The following MROH9 variants were observed in gnomAD, a reference collection of about 807,000 sequenced individuals.
MROH9 encodes the protein maestro heat-like repeat-containing protein family member 9.
A neutral mutation model predicts 98.2 loss-of-function variants in MROH9; 92 were observed. The ratio of observed to expected loss-of-function variants is 0.94; its 90% CI spans 0.79 to 1.11. The LOEUF (loss-of-function observed/expected upper bound fraction) is 1.11, where lower values mean the gene tolerates loss of function less well. MROH9 is among the 50% of genes most tolerant of loss of function. The probability of loss-of-function intolerance (pLI) is 0.00; values close to 1 mark genes in which losing one functional copy is unlikely to be tolerated. For missense variants in MROH9, 1,057 were observed against 1,014.8 expected (o/e 1.04, Z -0.57); for synonymous variants, 397 against 368.9 (o/e 1.08, Z -0.87).
At chr1:170,996,462 A>G in intron 13 of MROH9, 45 bp from the exon 14 acceptor site, 7 of 1,601,028 alleles carry the variant, frequency 4.4e-6, no homozygotes, top group Non-Finnish European at 6.0e-6. Context: ...TAGTTTTTTG[A>G]ATATCACCGG....
chr1:170,995,636 G>T, intron 13 of MROH9, 105 bp downstream of exon 13: 1 of 1,253,570 alleles, frequency 8.0e-7, no homozygotes, highest in Non-Finnish European at 1.1e-6. Context: ...TCCCATGTGC[G>T]GTGTGTTCAT....
intron 15 of MROH9, among the ~76,000 whole-genome samples, chr1:171,003,225 C>T (rs536234244): frequency 1.7e-4 from 26 of 152,084 alleles, no homozygotes; most frequent in Non-Finnish European, 3.8e-4. Flanking sequence ...AACTAAACTC[C>T]TGAATTCTTT....
intron 5 of MROH9, among the ~76,000 whole-genome samples, chr1:170,961,142 A>G (rs1212251411): frequency 1.3e-5 from 2 of 152,234 alleles, no homozygotes; most frequent in Non-Finnish European, 2.9e-5. Context: ...TTCACAAATT[A>G]TTCCTTTCAA....
At chr1:171,023,141 G>A (rs1652572292) in intron 17 of MROH9, among the ~76,000 whole-genome samples, 1 of 152,186 alleles carries the variant, frequency 6.6e-6, no homozygotes. Flanking sequence ...GGTTGTTGGA[G>A]CCCAAGAGTT....
Position 171,014,179 on chromosome 1 carries a change from G to A in MROH9, c.1659G>A (p.Trp553Ter). 6.4e-7 allele frequency: 1 copy of A among 1,550,952 alleles called. No homozygotes were observed. The highest frequency in any genetic ancestry group is 2.4e-5 in the East Asian group (1 of 40,858). ...AATTTTTGGTCCTCTTCATAAACTG[G>A]ATCAATGATTCCAATCCTGTAGTTA... ...PEEFLVLFINWINDSNPVVSR... is the reference protein window; with the variant it reads ...PEEFLVLFIN The change falls in exon 16 of 22, where the codon TGG becomes TGA. Residue 553 changes from tryptophan to a stop codon, truncating the protein, a stop_gained. Coordinates refer to ENST00000367759, the MANE Select transcript of MROH9 (RefSeq NM_001163629.2). LOFTEE classifies it high-confidence loss of function.
Position 171,019,989 on chromosome 1 carries a change from T to C in MROH9, c.1908+3653T>C, listed in dbSNP as rs182145447. ...ACCATCAGAGAACACTATTAACATC[T>C]ATACACAAATAAACGGTAAAATCAA... On this transcript the variant is annotated intron_variant, in intron 17 of 21. Coordinates refer to ENST00000367759, the MANE Select transcript of MROH9 (RefSeq NM_001163629.2). 8.5e-5 allele frequency among the ~76,000 whole-genome samples: 13 copies of C among 152,228 alleles called. No individual in the cohort carries two copies. In the East Asian group the frequency reaches 2.5e-3, roughly 29 times the overall value.
chr1:170,946,223 C>A (rs72710526), intron 2 of MROH9, among the ~76,000 whole-genome samples: 2 of 151,738 alleles, frequency 1.3e-5, no homozygotes, highest in Non-Finnish European at 2.9e-5. Flanking sequence ...CATGATGAGA[C>A]AGGCAGGCAT....
At chr1:171,027,967 A>T (rs538966449) in intron 20 of MROH9, among the ~76,000 whole-genome samples, 142 of 151,782 alleles carry the variant, frequency 9.4e-4, no homozygotes, top group African/African-American at 3.3e-3. Context: ...AGATTGCAAA[A>T]TTTTTCTCCC....
At chr1:171,054,673 C>T (rs1653773556) in intron 20 of MROH9, among the ~76,000 whole-genome samples, 2 of 152,072 alleles carry the variant, frequency 1.3e-5, no homozygotes, top group South Asian at 4.1e-4. Flanking sequence ...AGAAACAATC[C>T]TATCAAAAAG....
intron 5 of MROH9, among the ~76,000 whole-genome samples, chr1:170,960,346 AC>A (rs1649972288): frequency 6.6e-6 from 1 of 152,202 alleles, no homozygotes; most frequent in African/African-American, 2.4e-5. Flanking sequence ...ACTGGTGAAG[AC>A]CACTCTGGTA....
chr1:171,049,260 G>A (rs138502177), intron 20 of MROH9, among the ~76,000 whole-genome samples: 53 of 151,404 alleles, frequency 3.5e-4, no homozygotes, highest in Middle Eastern at 3.4e-3. Context: ...TCATATCTCT[G>A]AAAGAGGTAC....
At chr1:171,030,291 G>C (rs1557905480) in intron 20 of MROH9, among the ~76,000 whole-genome samples, 1 of 151,864 alleles carries the variant, frequency 6.6e-6, no homozygotes, top group Non-Finnish European at 1.5e-5. Flanking sequence ...ATCTAGTTCA[G>C]TTCTTTTCTG....
chr1:171,012,978 C>T (rs1032305169), intron 15 of MROH9, among the ~76,000 whole-genome samples: 8 of 152,128 alleles, frequency 5.3e-5, no homozygotes, highest in African/African-American at 1.4e-4. Flanking sequence ...CCTCAAGCCT[C>T]CCTGCTGTCC....
chr1:171,047,835 G>C (rs949496785), intron 20 of MROH9, among the ~76,000 whole-genome samples: 3 of 152,102 alleles, frequency 2.0e-5, no homozygotes, highest in Non-Finnish European at 1.5e-5. Context: ...AAAGGACTTA[G>C]GTGTTGTAAC....
chr1:170,995,866 T>C (rs77004328), intron 13 of MROH9, among the ~76,000 whole-genome samples: 3,918 of 152,260 alleles, frequency 0.026, 179 homozygotes, highest in African/African-American at 0.089. Flanking sequence ...ACATTTTTGC[T>C]CTGCCATTTA....
chr1:170,970,700 TTCTG>T (rs1255882666), intron 7 of MROH9, among the ~76,000 whole-genome samples: 2 of 101,582 alleles, frequency 2.0e-5, no homozygotes, highest in Non-Finnish European at 4.1e-5. Flanking sequence ...CCTTAGGAAT[TTCTG>T]TGTGTGTGTG....
chr1:170,968,259 A>T (rs9426918), intron 7 of MROH9, among the ~76,000 whole-genome samples: 1 of 152,184 alleles, frequency 6.6e-6, no homozygotes, highest in African/African-American at 2.4e-5. Context: ...AATTGAAAAC[A>T]TGTACAGAAG....
chr1:171,033,413 C>T (rs373858969), intron 20 of MROH9, among the ~76,000 whole-genome samples: 3 of 152,226 alleles, frequency 2.0e-5, no homozygotes, highest in Admixed American at 6.5e-5. Context: ...ATGGGATCTT[C>T]CAATCCGTGG....
intron 8 of MROH9, among the ~76,000 whole-genome samples, chr1:170,972,831 C>CACACAG (rs1650519001): frequency 1.7e-5 from 1 of 59,880 alleles, no homozygotes. Flanking sequence ...AAAAAAAATA[C>CACACAG]ACACACACAC....
Sources: gnomAD v4.1 joint callset for allele counts (sites outside exome capture counted in the v4.1 genomes callset) on GRCh38, gnomAD v4.1.1 for gene constraint, MANE v1.5 for transcripts, NCBI Gene and HGNC (gene_info 2026-07-23, HGNC 2026-07-21) for gene names.